Variants in SMARCA2 observed in about 807,000 individuals in gnomAD.
SMARCA2 encodes the protein SWI/SNF related BAF chromatin remodeling complex subunit ATPase 2, also known as SWI/SNF-related matrix-associated actin-dependent regulator of chromatin subfamily A member 2.
A neutral mutation model predicts 199.8 loss-of-function variants in SMARCA2; 61 were observed. The ratio of observed to expected loss-of-function variants is 0.31; its 90% CI spans 0.25 to 0.38. The LOEUF (loss-of-function observed/expected upper bound fraction) is 0.38, where lower values mean the gene tolerates loss of function less well. Among genes scored for constraint, SMARCA2 ranks in the 10% least tolerant of loss-of-function variants. SMARCA2 has a pLI of 1.00. For synonymous variants in SMARCA2, 935 were observed against 732.0 expected (o/e 1.28, Z -4.48); for missense variants, 1,344 against 2,012.2 (o/e 0.67, Z 6.35).
rs1421617682 is a variant in SMARCA2 at position 2,192,689 on chromosome 9, T to C, written c.4738-15T>C. The C allele has an allele frequency of 2.5e-6, 4 of 1,584,064 alleles. No individual in the cohort carries two copies. Among genetic ancestry groups the C allele is most frequent in the Admixed American group, 3.3e-5 (2 of 59,958 alleles). Reference sequence around the variant, plus strand: ...GTGATGTTACTTCATTTTATCTTCTTATTTTTACTTTTAGGAACAGTCAGA... The same window carrying C: ...GTGATGTTACTTCATTTTATCTTCTCATTTTTACTTTTAGGAACAGTCAGA... On this transcript the variant is annotated splice_polypyrimidine_tract_variant and intron_variant, in intron 33 of 33. Transcript: ENST00000349721.
At chr9:2,168,800 T>C (rs990062153) in intron 28 of SMARCA2, among the ~76,000 whole-genome samples, 8 of 152,226 alleles carry the variant, frequency 5.3e-5, no homozygotes, top group Non-Finnish European at 8.8e-5. Flanking sequence ...CTGACCTGCA[T>C]GGACTCCTTA....
chr9:2,053,979 A>G (rs528509383), intron 5 of SMARCA2, among the ~76,000 whole-genome samples: 1 of 152,274 alleles, frequency 6.6e-6, no homozygotes, highest in Admixed American at 6.5e-5. Flanking sequence ...GATTTTTTTA[A>G]AACAGCCTCA....
intron 16 of SMARCA2, 137 bp from the exon 17 acceptor site, chr9:2,083,949 T>G (rs1215026533): frequency 1.7e-6 from 1 of 574,216 alleles, no homozygotes; most frequent in Non-Finnish European, 3.1e-6. Context: ...TCCTCGTGTA[T>G]AATAGATCAG....
intron 9 of SMARCA2, among the ~76,000 whole-genome samples, chr9:2,061,764 C>T (rs1469504140): frequency 6.6e-6 from 1 of 152,182 alleles, no homozygotes; most frequent in African/African-American, 2.4e-5. Context: ...GGATTGGTAG[C>T]ATTTAATCAT....
chr9:2,182,307 G>C, intron 31 of SMARCA2, 65 bp downstream of exon 31: 1 of 966,766 alleles, frequency 1.0e-6, no homozygotes, highest in Non-Finnish European at 1.6e-6. Flanking sequence ...TTTTTAAGTA[G>C]AATATTTCAT....
At chr9:2,036,937 G>A (rs1185464712) in intron 3 of SMARCA2, among the ~76,000 whole-genome samples, 1 of 152,226 alleles carries the variant, frequency 6.6e-6, no homozygotes, top group Non-Finnish European at 1.5e-5. Flanking sequence ...CATTGTATTA[G>A]GCATCTTATG....
intron 29 of SMARCA2, among the ~76,000 whole-genome samples, chr9:2,171,251 A>G (rs973604075): frequency 2.6e-5 from 4 of 152,224 alleles, no homozygotes; most frequent in Non-Finnish European, 5.9e-5. Context: ...GTACTTAAAA[A>G]AAAAGTTGAT....
chr9:2,176,182 G>GTTTTTTTTTTTTTGTTTTT (rs1826579619), intron 29 of SMARCA2, among the ~76,000 whole-genome samples: 2 of 104,148 alleles, frequency 1.9e-5, no homozygotes, highest in African/African-American at 7.4e-5. Flanking sequence ...CGCCCGGCCT[G>GTTTTTTTTTTTTTGTTTTT]TTTTTTTTTT....
intron 27 of SMARCA2, among the ~76,000 whole-genome samples, chr9:2,154,285 G>T (rs781715558): frequency 6.6e-6 from 1 of 152,200 alleles, no homozygotes; most frequent in Non-Finnish European, 1.5e-5. Flanking sequence ...GACAATGGTG[G>T]TAGTAGTAGT....
In SMARCA2 at chr9:2,016,845, C is replaced by G. The variant is rs1485844741; in HGVS notation, c.-37+1441C>G. The stretch of plus-strand genomic sequence containing the variant: ...TCCACCCGGCCGTCTTCCCTTCCTC[C>G]CGTTTGCGTTGCAAAACACGGCCAT... On this transcript the variant is annotated intron_variant, in intron 1 of 33. Transcript: ENST00000349721. This position sits in a 1 kb window ranked among gnomAD's most constrained non-coding sequence, Gnocchi z 5.6. Among the ~76,000 whole-genome samples the G allele has an allele frequency of 2.0e-5, 3 of 152,222 alleles. No individual in the cohort carries two copies. The highest frequency in any genetic ancestry group is 4.4e-5 in the Non-Finnish European group (3 of 68,014).
At position 2,016,586 on chromosome 9, in the gene SMARCA2, CCTGA is replaced by C. The variant is rs1243475279; in HGVS notation, c.-37+1186_-37+1189del. Among the ~76,000 whole-genome samples the C allele has an allele frequency of 6.6e-6, 1 of 151,812 alleles. No individual in the cohort carries two copies. The highest frequency in any genetic ancestry group is 1.5e-5 in the Non-Finnish European group (1 of 67,918). On this transcript the variant is annotated intron_variant, in intron 1 of 33. Transcript: ENST00000349721. This position sits in a 1 kb window ranked among gnomAD's most constrained non-coding sequence, Gnocchi z 5.6. ...GCCATGATCCGGATAATCCTGTCTGCCTGACTGTCACAAACAGGACCCGCGCACC... is the reference window on the plus strand; with the variant it reads ...GCCATGATCCGGATAATCCTGTCTGCCTGTCACAAACAGGACCCGCGCACC...
chr9:2,068,085 T>C (rs889287094), intron 9 of SMARCA2, among the ~76,000 whole-genome samples: 5 of 152,232 alleles, frequency 3.3e-5, no homozygotes, highest in Non-Finnish European at 5.9e-5. Flanking sequence ...GTGGGATTAA[T>C]TGACTTTCCC....
intron 1 of SMARCA2, among the ~76,000 whole-genome samples, chr9:2,015,781 T>G (rs571035826): frequency 1.1e-3 from 171 of 152,270 alleles, no homozygotes; most frequent in African/African-American, 4.0e-3. Context: ...GAGTGGGCAG[T>G]CAGAGGCGCT....
At chr9:2,149,047 C>T (rs544069917) in intron 27 of SMARCA2, among the ~76,000 whole-genome samples, 3 of 150,972 alleles carry the variant, frequency 2.0e-5, no homozygotes, top group African/African-American at 7.3e-5. Flanking sequence ...ATTAGTAAAA[C>T]CTGCCTGTAT....
chr9:2,026,060 G>A (rs1818815273), intron 1 of SMARCA2, among the ~76,000 whole-genome samples: 1 of 152,160 alleles, frequency 6.6e-6, no homozygotes, highest in South Asian at 2.1e-4. Flanking sequence ...TGAGCCTAGA[G>A]GAAGTCAGGA....
chr9:2,168,042 T>C (rs1254029625), intron 28 of SMARCA2, among the ~76,000 whole-genome samples: 1 of 151,504 alleles, frequency 6.6e-6, no homozygotes, highest in Admixed American at 6.6e-5. Context: ...TCTTTTTTTT[T>C]TTTTTTTGAG....
At chr9:2,147,534 A>ATGTT (rs1824825805) in intron 27 of SMARCA2, among the ~76,000 whole-genome samples, 2 of 152,142 alleles carry the variant, frequency 1.3e-5, no homozygotes, top group Non-Finnish European at 2.9e-5. Context: ...AACACCTATA[A>ATGTT]TGTTTCACTT....
intron 29 of SMARCA2, among the ~76,000 whole-genome samples, chr9:2,173,064 G>C (rs901225095): frequency 1.3e-5 from 2 of 152,112 alleles, no homozygotes; most frequent in African/African-American, 4.8e-5. Flanking sequence ...CTGGATGTGT[G>C]AGGAGGAGGA....
intron 9 of SMARCA2, among the ~76,000 whole-genome samples, chr9:2,062,745 G>A (rs1251117304): frequency 6.6e-6 from 1 of 152,146 alleles, no homozygotes; most frequent in African/African-American, 2.4e-5. Context: ...GCTGGGAGAA[G>A]GAGGGGTACA....
Sources: gnomAD v4.1 joint callset for allele counts (sites outside exome capture counted in the v4.1 genomes callset) on GRCh38, gnomAD v4.1.1 for gene constraint, Gnocchi (gnomAD v3.1) non-coding constraint, MANE v1.5 for transcripts, NCBI Gene and HGNC (gene_info 2026-07-23, HGNC 2026-07-21) for gene names.